The following SLC12A9 variants were observed in gnomAD, a reference collection of about 807,000 sequenced individuals.
The protein encoded by SLC12A9 is CCC-interacting protein 1.
SLC12A9 carries 55 observed loss-of-function variants against 66.0 expected under a neutral mutation model. The observed-to-expected ratio is 0.83, with a 90% CI of 0.67 to 1.04. The LOEUF (loss-of-function observed/expected upper bound fraction) is 1.04, where lower values mean the gene tolerates loss of function less well. SLC12A9 is among the 50% of genes least tolerant of loss of function. The pLI is 0.00. For missense variants in SLC12A9, 1,061 were observed against 1,241.9 expected, an observed-to-expected ratio of 0.85 and a Z score of 2.19; for synonymous variants, 577 against 569.0, an observed-to-expected ratio of 1.01 and a Z score of -0.20.
chr7:100,827,498 G>C (rs1406713017), intron 1 of SLC12A9: 4 of 151,808 alleles, frequency 2.6e-5, no homozygotes, highest in Admixed American at 2.6e-4. Context: ...GGCCGGGCCG[G>C]GCAGGGGCTG....
At position 100,830,090 on chromosome 7, in the gene SLC12A9, A is replaced by C. The variant is rs149119498; in HGVS notation, n.228+3043A>C. Among the ~76,000 whole-genome samples the C allele has an allele frequency of 4.7e-3, 695 of 146,570 alleles. 2 individuals carry two copies. The highest frequency in any genetic ancestry group is 0.016 in the Middle Eastern group (4 of 258). On this transcript the variant is annotated intron_variant and non_coding_transcript_variant, in intron 1 of 1. Coordinates refer to the SLC12A9 transcript ENST00000461016. ...AAATAGGCTGGGCGCAGTGGCTCAC[A>C]CCTGTAATCCCAGCACTTTGGGAGG... is the stretch of plus-strand genomic sequence containing the variant.
rs759220881 is a variant in SLC12A9 at position 100,859,987 on chromosome 7, C to T, written c.1080C>T (p.Ser360=). ...CCACAGCGCTCTCAGCGTCCATGAG[C>T]TCGCTCATTGGTGCCTCCCGCATCC... ...IYATALSASM[S]SLIGASRILH... The change falls in exon 8 of 14, where the codon AGC becomes AGT. Residue 360 remains serine (S), a synonymous_variant. Coordinates refer to ENST00000354161, the MANE Select transcript of SLC12A9 (RefSeq NM_020246.4). 6.2e-7 allele frequency: 1 copy of T among 1,613,490 alleles called. No individual in the cohort carries two copies. Among genetic ancestry groups the T allele is most frequent in the South Asian group, 1.1e-5 (1 of 91,080 alleles).
At chr7:100,860,633 G>T (rs1055817774) in intron 9 of SLC12A9, 5 of 360,214 alleles carry the variant, frequency 1.4e-5, no homozygotes, top group Non-Finnish European at 2.6e-5. Context: ...TGGAGGTTTG[G>T]TGGCACTCTG....
rs531940990 is a variant in SLC12A9 at position 100,856,584 on chromosome 7, G to T, written c.449-284G>T. The T allele has an allele frequency of 1.1e-5, 4 of 371,454 alleles. No individual in the cohort carries two copies. The Admixed American group carries it at 1.6e-4, about 15-fold the overall frequency. 23.0% of individuals were successfully genotyped at this position (371,454 alleles called of 1,614,324 possible). A position where few individuals can be genotyped will look rare whatever the true frequency, so the allele number is the denominator to read the frequency against. On this transcript the variant is annotated intron_variant, in intron 4 of 13. Coordinates refer to ENST00000354161, the MANE Select transcript of SLC12A9 (RefSeq NM_020246.4). ...GGCTGGAGTGCAGTGGTACCATCTCGGCTCAATGCAACTTCTGCCTCCCGG... is the reference window on the plus strand; with the variant it reads ...GGCTGGAGTGCAGTGGTACCATCTCTGCTCAATGCAACTTCTGCCTCCCGG...
upstream of SLC12A9, among the ~76,000 whole-genome samples, chr7:100,848,703 G>A (rs192550831): frequency 1.1e-3 from 173 of 151,826 alleles, no homozygotes; most frequent in East Asian, 3.5e-3. Context: ...TGGCTAACAC[G>A]GTGAAACCCC....
chr7:100,826,970 GA>G, exon 1 of SLC12A9: 1 of 1,551,268 alleles, frequency 6.4e-7, no homozygotes, highest in Non-Finnish European at 8.7e-7. Context: ...CCCCCGCAAG[GA>G]AACTCACCTT....
At position 100,861,908 on chromosome 7, in the gene SLC12A9, C is replaced by G; in HGVS notation, c.1708C>G (p.Leu570Val). Reference protein sequence around the residue: ...YVLGHVTLGDLDSLPSDPVQP... With the variant: ...YVLGHVTLGDVDSLPSDPVQP... ...GCTGGGCCACGTCACCCTGGGAGAC[C>G]TCGGTGAGCTGCCCTCCCACTCACT... The change falls in exon 12 of 14, where the codon CTC becomes GTC. Residue 570 changes from leucine (L) to valine (V), a missense_variant. By Grantham distance (32) the Leu-to-Val change is conservative. Transcript: ENST00000354161. The surrounding 1 kb of genome is among the most constrained non-coding windows in gnomAD (Gnocchi z 5.3). 1 of 1,593,038 alleles carries G rather than the reference C, an allele frequency of 6.3e-7. No homozygotes were observed. The highest frequency in any genetic ancestry group is 8.6e-7 in the Non-Finnish European group (1 of 1,167,722).
At chr7:100,836,793 C>T (rs1433093516) in intron 1 of SLC12A9, among the ~76,000 whole-genome samples, 1 of 147,852 alleles carries the variant, frequency 6.8e-6, no homozygotes, top group African/African-American at 2.5e-5. Context: ...CTCATCTGCC[C>T]CTGGGACCTG....
chr7:100,862,689 C>T lies in SLC12A9; in HGVS notation c.1720C>T (p.Pro574Ser). The change falls in exon 13 of 14, where the codon CCC becomes TCC. Residue 574 changes from proline (P) to serine (S), a missense_variant. Pro to Ser is a moderately conservative substitution (Grantham distance 74). Coordinates refer to ENST00000354161, the MANE Select transcript of SLC12A9 (RefSeq NM_020246.4). Reference sequence around the variant, plus strand: ...CCTTATCTTCTCTGTAGACTCCCTGCCCTCGGACCCTGTACAGCCGCAGTA... The same window carrying T: ...CCTTATCTTCTCTGTAGACTCCCTGTCCTCGGACCCTGTACAGCCGCAGTA... ...HVTLGDLDSL[P>S]SDPVQPQYGA... 3 of 1,614,196 alleles carry T rather than the reference C, an allele frequency of 1.9e-6. No homozygotes were observed. Among genetic ancestry groups the T allele is most frequent in the Non-Finnish European group, 2.5e-6 (3 of 1,180,034 alleles).
chr7:100,831,480 G>A (rs62483646), intron 1 of SLC12A9, among the ~76,000 whole-genome samples: 3,555 of 150,230 alleles, frequency 0.024, 81 homozygotes, highest in Non-Finnish European at 0.036. Flanking sequence ...GCCACTGCAC[G>A]TGGCTCTTTT....
rs75492916 is a variant in SLC12A9 at position 100,865,472 on chromosome 7, C to T, written c.1859-247C>T. Reference sequence around the variant, plus strand: ...CTCATTAGTGGCAAGAATCCTAAGGCGAACTTTGCCTGTTTAAGTGGAGGA... The same window carrying T: ...CTCATTAGTGGCAAGAATCCTAAGGTGAACTTTGCCTGTTTAAGTGGAGGA... On this transcript the variant is annotated intron_variant, in intron 13 of 13. Transcript: ENST00000354161. The T allele has an allele frequency of 2.9e-3, 4,485 of 1,532,914 alleles. 124 individuals carry two copies. In the African/African-American group the frequency reaches 0.055, roughly 19 times the overall value. The allele number at this position is 1,532,914 out of a possible 1,614,324, so 95.0% of individuals were successfully genotyped here.
chr7:100,832,627 G>A (rs2116494848), intron 1 of SLC12A9, among the ~76,000 whole-genome samples: 2 of 152,296 alleles, frequency 1.3e-5, no homozygotes, highest in Admixed American at 1.3e-4. Context: ...GAAAAAGGTA[G>A]TAAATGCAAG....
At chr7:100,837,720 A>T (rs1407438400) in intron 1 of SLC12A9, 1 of 152,216 alleles carries the variant, frequency 6.6e-6, no homozygotes, top group Non-Finnish European at 1.5e-5. Context: ...GTGCATGGGC[A>T]AGGTCATACC....
intron 1 of SLC12A9, among the ~76,000 whole-genome samples, chr7:100,835,174 G>C (rs1237487562): frequency 6.6e-6 from 1 of 152,008 alleles, no homozygotes; most frequent in South Asian, 2.1e-4. Flanking sequence ...TGGCCAACAT[G>C]GTGAAACCCA....
intron 13 of SLC12A9, chr7:100,865,280 A>G (rs1258926971): frequency 6.5e-7 from 1 of 1,535,560 alleles, no homozygotes. Flanking sequence ...TCATCTTCCC[A>G]TTGCAGAGTC....
intron 1 of SLC12A9, among the ~76,000 whole-genome samples, chr7:100,837,746 A>T (rs1312018161): frequency 6.6e-6 from 1 of 151,804 alleles, no homozygotes; most frequent in Non-Finnish European, 1.5e-5. Context: ...GCAGCCTCGA[A>T]CTCTTGACCT....
At chr7:100,842,515 C>T (rs187265835) in intron 1 of SLC12A9, among the ~76,000 whole-genome samples, 20 of 152,296 alleles carry the variant, frequency 1.3e-4, no homozygotes, top group African/African-American at 4.6e-4. Context: ...TTGCCCCCGA[C>T]GTAGAGCTTT....
rs1375546542 is a variant in SLC12A9, at chr7:100,861,332, C to A, written c.1344-60C>A. 2 of 1,611,782 alleles carry A rather than the reference C, an allele frequency of 1.2e-6. No individual in the cohort carries two copies. The highest frequency in any genetic ancestry group is 1.7e-6 in the Non-Finnish European group (2 of 1,178,322). On this transcript the variant is annotated intron_variant, in intron 10 of 13. Coordinates refer to ENST00000354161, the MANE Select transcript of SLC12A9 (RefSeq NM_020246.4). The surrounding 1 kb of genome is among the most constrained non-coding windows in gnomAD (Gnocchi z 5.3). ...TCGGGCTCAGGCGTGGGGCTGGGGA[C>A]TGCAGCCTCGTGTGCGGCCTGCCCT...
Position 100,836,790 on chromosome 7 carries a change from G to GC in SLC12A9, n.228+9747dup, listed in dbSNP as rs1813668703. 2.1e-5 allele frequency among the ~76,000 whole-genome samples: 3 copies of GC among 141,470 alleles called. No homozygotes were observed. The South Asian group carries it at 7.1e-4, about 33-fold the overall frequency. 92.8% of individuals were successfully genotyped at this position (141,470 alleles called of 152,430 possible). A position where few individuals can be genotyped will look rare whatever the true frequency, so the allele number is the denominator to read the frequency against. ...AGGGGCGGTGCCCAAGGGCTCATCT[G>GC]CCCCTGGGACCTGGGGGAGGGGGGC... On this transcript the variant is annotated intron_variant and non_coding_transcript_variant, in intron 1 of 1. Coordinates refer to the SLC12A9 transcript ENST00000461016.
Sources: allele counts gnomAD v4.1 joint callset (sites outside exome capture counted in the v4.1 genomes callset), GRCh38; gene constraint gnomAD v4.1.1; non-coding constraint Gnocchi (gnomAD v3.1); transcripts MANE v1.5; gene names NCBI Gene and HGNC (gene_info 2026-07-23, HGNC 2026-07-21).